Variants in ZNF679 observed in about 807,000 individuals in gnomAD.
ZNF679 encodes the protein hypothetical protein MGC42415.
In ZNF679, 10 loss-of-function variants were observed where a neutral mutation model predicts 13.4. The ratio of observed to expected loss-of-function variants is 0.75; its 90% confidence interval spans 0.46 to 1.27. ZNF679 has a LOEUF of 1.27. ZNF679 is among the 50% of genes most tolerant of loss of function. ZNF679 has a pLI of 0.00. For missense variants in ZNF679, 525 were observed against 477.8 expected, an observed-to-expected ratio of 1.10 and a Z score of -0.92; for synonymous variants, 179 against 162.5, an observed-to-expected ratio of 1.10 and a Z score of -0.77.
intron 2 of ZNF679, among the ~76,000 whole-genome samples, chr7:64,255,467 A>G (rs1275234622): frequency 6.6e-6 from 1 of 152,196 alleles, no homozygotes; most frequent in Non-Finnish European, 1.5e-5. Flanking sequence ...TCCTCCACCA[A>G]TGTAGGGATC....
At chr7:64,240,789 TGC>T (rs1787788583) in intron 1 of ZNF679, among the ~76,000 whole-genome samples, 1 of 152,184 alleles carries the variant, frequency 6.6e-6, no homozygotes, top group Non-Finnish European at 1.5e-5. Flanking sequence ...GACATTTTCC[TGC>T]TAAAGGTATA....
intron 3 of ZNF679, 148 bp from the exon 4 acceptor site, chr7:64,260,686 T>C (rs1584237547): frequency 8.9e-6 from 9 of 1,011,106 alleles, no homozygotes; most frequent in Non-Finnish European, 1.2e-5. Context: ...AAATTTAAAA[T>C]ATTTTCTAAA....
intron 1 of ZNF679, among the ~76,000 whole-genome samples, chr7:64,229,072 C>T (rs1454059525): frequency 2.6e-5 from 4 of 152,140 alleles, no homozygotes; most frequent in Non-Finnish European, 4.4e-5. Context: ...AGATCTTACC[C>T]GTTACCCTAA....
intron 4 of ZNF679, among the ~76,000 whole-genome samples, chr7:64,265,104 T>A (rs1788126651): frequency 6.6e-6 from 1 of 152,078 alleles, no homozygotes; most frequent in African/African-American, 2.4e-5. Context: ...AAATTTTTGA[T>A]TTTTTTGATT....
intron 1 of ZNF679, among the ~76,000 whole-genome samples, chr7:64,231,106 G>A (rs1323501093): frequency 6.6e-6 from 1 of 152,166 alleles, no homozygotes; most frequent in Non-Finnish European, 1.5e-5. Context: ...TGCCACTCAG[G>A]AACTTTATAA....
intron 3 of ZNF679, 142 bp from the exon 4 acceptor site, chr7:64,260,692 C>T: frequency 9.8e-7 from 1 of 1,018,570 alleles, no homozygotes; most frequent in South Asian, 2.2e-5. Context: ...AAAATATTTT[C>T]TAAATAGTTA....
intron 1 of ZNF679, among the ~76,000 whole-genome samples, chr7:64,247,189 C>T (rs973097181): frequency 2.0e-5 from 3 of 152,200 alleles, no homozygotes; most frequent in Admixed American, 6.5e-5. Flanking sequence ...GGCTTCTCTA[C>T]TGCAAACTGT....
intron 1 of ZNF679, 43 bp from the exon 2 acceptor site, chr7:64,248,985 G>A: frequency 7.8e-7 from 1 of 1,289,540 alleles, no homozygotes; most frequent in Non-Finnish European, 1.1e-6. Context: ...AGAACAGGAT[G>A]CCTCCGTAAT....
chr7:64,258,261 G>T (rs1205824009), intron 2 of ZNF679, among the ~76,000 whole-genome samples: 1 of 152,104 alleles, frequency 6.6e-6, no homozygotes, highest in Non-Finnish European at 1.5e-5. Context: ...TGTGTGTGGC[G>T]GTAGCAGGTG....
At chr7:64,261,226 C>G (rs1788073373) in intron 4 of ZNF679, among the ~76,000 whole-genome samples, 2 of 151,984 alleles carry the variant, frequency 1.3e-5, no homozygotes, top group Non-Finnish European at 2.9e-5. Context: ...TGGGGGCATG[C>G]TAATATCTGC....
At chr7:64,255,895 C>T (rs189190826) in intron 2 of ZNF679, among the ~76,000 whole-genome samples, 242 of 152,252 alleles carry the variant, frequency 1.6e-3, no homozygotes, top group African/African-American at 5.6e-3. Flanking sequence ...AGGTGTGAGC[C>T]ACCGCGCCTG....
intron 1 of ZNF679, among the ~76,000 whole-genome samples, chr7:64,229,264 T>C (rs552552591): frequency 4.6e-4 from 70 of 152,314 alleles, no homozygotes; most frequent in African/African-American, 1.6e-3. Context: ...GGCATTATAC[T>C]GTACGCATGA....
intron 1 of ZNF679, among the ~76,000 whole-genome samples, chr7:64,246,483 G>C (rs1787871494): frequency 6.6e-6 from 1 of 152,212 alleles, no homozygotes; most frequent in East Asian, 1.9e-4. Context: ...CAGCACTTTG[G>C]AGGCAAAGGC....
intron 2 of ZNF679, 79 bp downstream of exon 2, chr7:64,249,235 A>G (rs565328516): frequency 9.3e-6 from 15 of 1,612,200 alleles, no homozygotes; most frequent in African/African-American, 5.3e-5. Context: ...GCAGGACCCA[A>G]ACTTCCTCGC....
chr7:64,255,450 A>C (rs1787993601), intron 2 of ZNF679, among the ~76,000 whole-genome samples: 1 of 152,152 alleles, frequency 6.6e-6, no homozygotes, highest in Admixed American at 6.6e-5. Context: ...TGCAGTAGCA[A>C]CCTGTTTCCT....
intron 1 of ZNF679, among the ~76,000 whole-genome samples, chr7:64,245,111 T>A (rs1201454973): frequency 6.6e-6 from 1 of 152,184 alleles, no homozygotes; most frequent in Non-Finnish European, 1.5e-5. Context: ...CTGCAACCTC[T>A]GCTTCCCAAG....
intron 1 of ZNF679, among the ~76,000 whole-genome samples, chr7:64,235,410 A>T (rs1787695605): frequency 1.3e-5 from 2 of 152,230 alleles, no homozygotes; most frequent in East Asian, 3.9e-4. Context: ...ATTAAGAAAA[A>T]GGAAAAGATG....
intron 1 of ZNF679, among the ~76,000 whole-genome samples, chr7:64,230,922 G>C (rs1468674311): frequency 6.6e-6 from 1 of 152,216 alleles, no homozygotes; most frequent in Non-Finnish European, 1.5e-5. Context: ...CTGTGGAACA[G>C]ATTCACATAT....
intron 1 of ZNF679, among the ~76,000 whole-genome samples, chr7:64,247,736 G>C (rs964707579): frequency 6.6e-6 from 1 of 152,094 alleles, no homozygotes; most frequent in African/African-American, 2.4e-5. Context: ...ATTTTTAGTA[G>C]AGATGAGGTT....
Sources: gnomAD v4.1 joint callset for allele counts (sites outside exome capture counted in the v4.1 genomes callset) on GRCh38, gnomAD v4.1.1 for gene constraint, MANE v1.5 for transcripts, NCBI Gene and HGNC (gene_info 2026-07-23, HGNC 2026-07-21) for gene names.